GRM8: variants seen among roughly 807,000 people sequenced by gnomAD.
GRM8 encodes metabotropic glutamate receptor 8.
In GRM8, 47 loss-of-function variants were observed where a neutral mutation model predicts 87.2. The ratio of observed to expected loss-of-function variants is 0.54; its 90% confidence interval spans 0.43 to 0.69. The LOEUF is 0.69. GRM8 is among the 30% of genes least tolerant of loss of function. GRM8 has a pLI of 0.00. For missense variants in GRM8, 1,019 were observed against 1,139.2 expected (o/e 0.89, Z 1.52); for synonymous variants, 396 against 404.5 (o/e 0.98, Z 0.25).
At chr7:126,857,547 A>C (rs1456672021) in intron 6 of GRM8, among the ~76,000 whole-genome samples, 1 of 152,188 alleles carries the variant, frequency 6.6e-6, no homozygotes, top group Non-Finnish European at 1.5e-5. Flanking sequence ...AGCTTGACTC[A>C]ACTCCCACTT....
chr7:127,249,126 C>A (rs980751017), intron 1 of GRM8, among the ~76,000 whole-genome samples: 15 of 152,178 alleles, frequency 9.9e-5, no homozygotes, highest in Admixed American at 4.6e-4. Context: ...TTAGGCATAA[C>A]CCTGCCTGGA....
At chr7:127,055,767 A>G (rs898916996) in intron 3 of GRM8, among the ~76,000 whole-genome samples, 4 of 152,132 alleles carry the variant, frequency 2.6e-5, no homozygotes, top group Non-Finnish European at 5.9e-5. Context: ...TCAAATGTGT[A>G]ACAATGCAGA....
chr7:126,532,614 G>C (rs995289069), intron 9 of GRM8, among the ~76,000 whole-genome samples: 1 of 151,818 alleles, frequency 6.6e-6, no homozygotes, highest in Non-Finnish European at 1.5e-5. Flanking sequence ...AGTGATGTTA[G>C]CAGATAGCAG....
chr7:126,583,168 C>T (rs776685020), intron 8 of GRM8, among the ~76,000 whole-genome samples: 25 of 151,980 alleles, frequency 1.6e-4, no homozygotes, highest in Non-Finnish European at 3.2e-4. Flanking sequence ...CCAGCCTGGC[C>T]AACATGGTGA....
chr7:126,940,017 G>A lies in GRM8; in HGVS notation c.728-35334C>T, dbSNP rs563489587. Among the ~76,000 whole-genome samples, 359 of 152,320 alleles carry A rather than the reference G, an allele frequency of 2.4e-3. 4 individuals are homozygous for A. Among genetic ancestry groups the A allele is most frequent in the African/African-American group, 8.3e-3 (346 of 41,566 alleles). On this transcript the variant is annotated intron_variant, in intron 3 of 10. Coordinates refer to ENST00000339582, the MANE Select transcript of GRM8 (RefSeq NM_000845.3). ...TTCAGGGAGCTGATTGGGACAATCA[G>A]TGTAATCATTTTACCAAACATCCAG... is the stretch of plus-strand genomic sequence containing the variant.
intron 7 of GRM8, among the ~76,000 whole-genome samples, chr7:126,632,721 T>C (rs1222847428): frequency 1.3e-5 from 2 of 152,098 alleles, no homozygotes; most frequent in Admixed American, 6.6e-5. Context: ...AACAAGATAA[T>C]GTCCCTTGCA....
At chr7:126,867,750 G>A (rs765442066) in intron 6 of GRM8, among the ~76,000 whole-genome samples, 10 of 152,094 alleles carry the variant, frequency 6.6e-5, no homozygotes, top group Non-Finnish European at 7.4e-5. Context: ...GTGAAAGGAG[G>A]AGACAAGACA....
At chr7:127,234,213 T>C (rs541620729) in intron 2 of GRM8, among the ~76,000 whole-genome samples, 1 of 152,358 alleles carries the variant, frequency 6.6e-6, no homozygotes, top group South Asian at 2.1e-4. Context: ...GCCTCTTTCA[T>C]CTTTTACTGT....
intron 7 of GRM8, among the ~76,000 whole-genome samples, chr7:126,652,455 G>A (rs1003854381): frequency 6.6e-6 from 1 of 152,166 alleles, no homozygotes; most frequent in African/African-American, 2.4e-5. Context: ...TGCCAAAGGA[G>A]ACTAACATTT....
At position 126,627,117 on chromosome 7, in the gene GRM8, T is replaced by A. The variant is rs146951468; in HGVS notation, c.1358-17619A>T. On this transcript the variant is annotated intron_variant, in intron 7 of 10. Coordinates refer to ENST00000339582, the MANE Select transcript of GRM8 (RefSeq NM_000845.3). ...CCTAGATAATATTATCTGATACTAT[T>A]GTTAATGTTTCTTAAACTACATTAT... Among the ~76,000 whole-genome samples, 21 of 152,360 alleles carry A rather than the reference T, an allele frequency of 1.4e-4. No homozygotes were observed. The East Asian group carries it at 4.0e-3, about 29-fold the overall frequency.
rs143040341 is a variant in GRM8 at position 126,599,777 on chromosome 7, A to G, written c.1494+9585T>C. Among the ~76,000 whole-genome samples, 336 of 152,296 alleles carry G rather than the reference A, an allele frequency of 2.2e-3. 1 individual carries two copies. The highest frequency in any genetic ancestry group is 3.9e-3 in the Non-Finnish European group (265 of 68,014). ...TAAAGTTAAAAAAGAATAAAGGAAC[A>G]CAGCTGGATGTATTAGTATGGGCTC... On this transcript the variant is annotated intron_variant, in intron 8 of 10. Coordinates refer to ENST00000339582, the MANE Select transcript of GRM8 (RefSeq NM_000845.3).
intron 8 of GRM8, among the ~76,000 whole-genome samples, chr7:126,572,943 G>A (rs754162543): frequency 4.6e-5 from 7 of 151,802 alleles, no homozygotes; most frequent in African/African-American, 1.2e-4. Context: ...AACCACAAAC[G>A]GTGCAAGAAA....
intron 6 of GRM8, among the ~76,000 whole-genome samples, chr7:126,866,987 G>T (rs192138093): frequency 8.1e-4 from 124 of 152,222 alleles, no homozygotes; most frequent in African/African-American, 2.8e-3. Context: ...ACAAGAAAAT[G>T]ACATGATTTG....
At chr7:126,568,782 A>C (rs1432098615) in intron 8 of GRM8, among the ~76,000 whole-genome samples, 1 of 152,142 alleles carries the variant, frequency 6.6e-6, no homozygotes, top group Non-Finnish European at 1.5e-5. Flanking sequence ...ATCAAAACAA[A>C]GGGTGCTGCT....
chr7:127,009,181 CT>C (rs1814628854), intron 3 of GRM8, among the ~76,000 whole-genome samples: 1 of 151,976 alleles, frequency 6.6e-6, no homozygotes, highest in African/African-American at 2.4e-5. Context: ...GAAATCAATT[CT>C]TTCAGCTGAG....
chr7:126,626,295 C>G (rs1800684361), intron 7 of GRM8, among the ~76,000 whole-genome samples: 1 of 152,080 alleles, frequency 6.6e-6, no homozygotes, highest in Admixed American at 6.6e-5. Flanking sequence ...ATAAGAATCT[C>G]TTTTGTACCC....
intron 6 of GRM8, among the ~76,000 whole-genome samples, chr7:126,863,121 C>T (rs935424541): frequency 3.3e-5 from 5 of 152,086 alleles, no homozygotes; most frequent in African/African-American, 1.2e-4. Flanking sequence ...TTGAAGTGAT[C>T]GCTGTATGCC....
intron 3 of GRM8, among the ~76,000 whole-genome samples, chr7:127,043,183 C>T (rs1818598941): frequency 6.6e-6 from 1 of 152,304 alleles, no homozygotes; most frequent in Non-Finnish European, 1.5e-5. Flanking sequence ...TAAACTAGTT[C>T]AACCATTGTG....
intron 1 of GRM8, among the ~76,000 whole-genome samples, chr7:127,246,821 A>G (rs1798606662): frequency 6.6e-6 from 1 of 152,264 alleles, no homozygotes. Context: ...TATCTAACAC[A>G]GTATCTCCAT....
Sources: gnomAD v4.1 joint callset for allele counts (sites outside exome capture counted in the v4.1 genomes callset) on GRCh38, gnomAD v4.1.1 for gene constraint, MANE v1.5 for transcripts, NCBI Gene and HGNC (gene_info 2026-07-23, HGNC 2026-07-21) for gene names.